RBBP4: variants seen among roughly 807,000 people sequenced by gnomAD.
The protein encoded by RBBP4 is histone-binding protein RBBP4.
In RBBP4, 3 loss-of-function variants were observed where a neutral mutation model predicts 57.2. The ratio of observed to expected loss-of-function variants is 0.05; its 90% CI spans 0.02 to 0.14. The LOEUF is 0.14. Ranked by LOEUF, RBBP4 falls within the 10% of genes least tolerant of loss-of-function variation. The pLI is 1.00. For missense variants in RBBP4, 107 were observed against 520.6 expected, an observed-to-expected ratio of 0.21 and a Z score of 7.73; for synonymous variants, 151 against 171.5, an observed-to-expected ratio of 0.88 and a Z score of 0.93.
At chr1:32,661,104 ATACTC>A (rs1184486289) in intron 3 of RBBP4, among the ~76,000 whole-genome samples, 3 of 152,150 alleles carry the variant, frequency 2.0e-5, no homozygotes, top group Admixed American at 2.0e-4. Context: ...ATGAGCCACT[ATACTC>A]AGCCAAAAAA....
chr1:32,651,606 AC>A (rs2148510345), intron 1 of RBBP4: 2 of 860,912 alleles, frequency 2.3e-6, no homozygotes, highest in Non-Finnish European at 3.3e-6. Flanking sequence ...GCGTGGGGAC[AC>A]CGCTTCCTAC....
rs372814539 is a variant in RBBP4 at position 32,669,468 on chromosome 1, T to G, written c.889-18T>G. On this transcript the variant is annotated intron_variant, in intron 7 of 11. Transcript: ENST00000373493. The surrounding 1 kb of genome is among the most constrained non-coding windows in gnomAD (Gnocchi z 4.9). The stretch of plus-strand genomic sequence containing the variant: ...TTCTTAAAAAATTGATTACTCTTGC[T>G]TTTCTTTTTGTACATAGACTGTTGC... 4.1e-5 allele frequency: 64 copies of G among 1,576,882 alleles called. No individual in the cohort carries two copies. The highest frequency in any genetic ancestry group is 5.5e-5 in the African/African-American group (4 of 72,526).
intron 3 of RBBP4, among the ~76,000 whole-genome samples, chr1:32,658,361 T>TTA (rs71654734): frequency 7.0e-6 from 1 of 142,036 alleles, no homozygotes; most frequent in East Asian, 2.0e-4. Context: ...GGAGCAATAG[T>TTA]AAAAAAAAAA....
chr1:32,655,464 C>T (rs1333244537), intron 2 of RBBP4, among the ~76,000 whole-genome samples: 2 of 152,202 alleles, frequency 1.3e-5, no homozygotes, highest in South Asian at 2.1e-4. Flanking sequence ...TCTTGTCTAA[C>T]CTTCTACATA....
At chr1:32,673,320 C>T (rs1340402482) in intron 11 of RBBP4, 1 of 326,888 alleles carries the variant, frequency 3.1e-6, no homozygotes, top group Non-Finnish European at 5.9e-6. Context: ...ATTTACATAC[C>T]CAAAGGAGGT....
At chr1:32,651,359 T>C in intron 1 of RBBP4, 37 bp downstream of exon 1, 5 of 1,420,840 alleles carry the variant, frequency 3.5e-6, no homozygotes, top group Non-Finnish European at 4.6e-6. Context: ...GGGCAGTGGG[T>C]GCCTGGGCTG....
intron 2 of RBBP4, chr1:32,652,441 C>T (rs1647832311): frequency 5.4e-6 from 1 of 185,540 alleles, no homozygotes; most frequent in Non-Finnish European, 1.1e-5. Context: ...TACTTGAGGC[C>T]AGGAGTTGGA....
chr1:32,684,093 T>G lies in RBBP4; in HGVS notation c.*4388T>G. On this transcript the variant is annotated 3_prime_UTR_variant, in exon 12 of 12. Coordinates refer to ENST00000373493, the MANE Select transcript of RBBP4 (RefSeq NM_005610.3). Reference sequence around the variant, plus strand: ...GCTCTTGGGTAGTAGCATAGCCCTTTAAAAAGAGAGAGCCATTTTCCATGT... The same window carrying G: ...GCTCTTGGGTAGTAGCATAGCCCTTGAAAAAGAGAGAGCCATTTTCCATGT... The G allele has an allele frequency of 6.2e-7, 1 of 1,609,448 alleles. No homozygotes were observed.
At chr1:32,660,282 T>C (rs1648342744) in intron 3 of RBBP4, among the ~76,000 whole-genome samples, 1 of 152,198 alleles carries the variant, frequency 6.6e-6, no homozygotes, top group Non-Finnish European at 1.5e-5. Flanking sequence ...AGCCTTGCTC[T>C]GTCACCCAGA....
intron 11 of RBBP4, among the ~76,000 whole-genome samples, chr1:32,673,844 A>G (rs1648980295): frequency 6.6e-6 from 1 of 152,106 alleles, no homozygotes; most frequent in Non-Finnish European, 1.5e-5. Context: ...CACGCCTGTA[A>G]TCCCAGTACT....
intron 2 of RBBP4, among the ~76,000 whole-genome samples, chr1:32,653,671 T>TA (rs1178550410): frequency 7.8e-6 from 1 of 128,008 alleles, no homozygotes; most frequent in Non-Finnish European, 1.6e-5. Context: ...TTTTTGTTTT[T>TA]TTTTTTGAGA....
chr1:32,654,661 G>A (rs1648053736), intron 2 of RBBP4, among the ~76,000 whole-genome samples: 1 of 152,180 alleles, frequency 6.6e-6, no homozygotes, highest in Non-Finnish European at 1.5e-5. Flanking sequence ...AGCAAATCTA[G>A]ATAAATAATG....
At chr1:32,668,543 C>T (rs959607048) in intron 4 of RBBP4, 145 bp downstream of exon 4, 2 of 1,021,028 alleles carry the variant, frequency 2.0e-6, no homozygotes, top group Admixed American at 2.9e-5. Context: ...TTCATTTTGC[C>T]TCCATGAAAA....
At position 32,684,565 on chromosome 1, in the gene RBBP4, A is replaced by G. The variant is rs1557868891; in HGVS notation, c.*4860A>G. The G allele has an allele frequency of 3.6e-6, 3 of 836,716 alleles. No homozygotes were observed. The highest frequency in any genetic ancestry group is 3.4e-5 in the African/African-American group (2 of 58,088). The allele number at this position is 836,716 out of a possible 1,614,324, so 51.8% of individuals were successfully genotyped here. A position where few individuals can be genotyped will look rare whatever the true frequency, so the allele number is the denominator to read the frequency against. ...GTTGTGTCTTGGAAAAAAAGTGACA[A>G]TGCTTTTGAAAATGATGACGAAAAA... On this transcript the variant is annotated 3_prime_UTR_variant, in exon 12 of 12. Transcript: ENST00000373493.
intron 3 of RBBP4, among the ~76,000 whole-genome samples, chr1:32,667,572 T>C (rs565022409): frequency 1.1e-4 from 16 of 152,330 alleles, no homozygotes; most frequent in African/African-American, 3.4e-4. Context: ...ATCTCTTTTG[T>C]CTTGTGTCTT....
At position 32,681,937 on chromosome 1, in the gene RBBP4, T is replaced by G; in HGVS notation, c.*2232T>G. The G allele has an allele frequency of 6.1e-6, 8 of 1,313,344 alleles. No individual in the cohort carries two copies. The highest frequency in any genetic ancestry group is 6.0e-5 in the South Asian group (5 of 83,512). 81.4% of individuals were successfully genotyped at this position (1,313,344 alleles called of 1,614,324 possible). A position where few individuals can be genotyped will look rare whatever the true frequency, so the allele number is the denominator to read the frequency against. ...ACTGCAGGCTTTGTTGAGAAGAGAT[T>G]GTTACAGTGTGATTTATGGATGATC... On this transcript the variant is annotated 3_prime_UTR_variant, in exon 12 of 12. Coordinates refer to ENST00000373493, the MANE Select transcript of RBBP4 (RefSeq NM_005610.3).
chr1:32,652,792 C>G (rs1461761783), intron 2 of RBBP4, among the ~76,000 whole-genome samples: 1 of 152,138 alleles, frequency 6.6e-6, no homozygotes, highest in South Asian at 2.1e-4. Context: ...GTGATCCGCC[C>G]GCCTCTGCCT....
rs1649689280 is a variant in RBBP4 at position 32,684,594 on chromosome 1, A to C, written c.*4889A>C. 1 of 625,616 alleles carries C rather than the reference A, an allele frequency of 1.6e-6. No homozygotes were observed. The highest frequency in any genetic ancestry group is 1.8e-5 in the African/African-American group (1 of 54,142). The allele number at this position is 625,616 out of a possible 1,614,324, so 38.8% of individuals were successfully genotyped here. A position where few individuals can be genotyped will look rare whatever the true frequency, so the allele number is the denominator to read the frequency against. ...TTTTGAAAATGATGACGAAAAAGGC[A>C]TCTTGTCTGTTAACCACAGCTTGCT... On this transcript the variant is annotated 3_prime_UTR_variant, in exon 12 of 12. Transcript: ENST00000373493.
rs11809190 is a variant in RBBP4 at position 32,681,578 on chromosome 1, A to G, written c.*1873A>G. The G allele has an allele frequency of 3.5e-6, 2 of 566,546 alleles. No homozygotes were observed. The highest frequency in any genetic ancestry group is 2.2e-5 in the South Asian group (1 of 45,468). The allele number at this position is 566,546 out of a possible 1,614,324, so 35.1% of individuals were successfully genotyped here. On this transcript the variant is annotated 3_prime_UTR_variant, in exon 12 of 12. Transcript: ENST00000373493. ...TATGTGAGGGTTGTTGCTGGAAGAC[A>G]GGAGGCTCATCTTTCCTTTCCTTGG... is the stretch of plus-strand genomic sequence containing the variant.
Sources: gnomAD v4.1 joint callset for allele counts (sites outside exome capture counted in the v4.1 genomes callset) on GRCh38, gnomAD v4.1.1 for gene constraint, Gnocchi (gnomAD v3.1) non-coding constraint, MANE v1.5 for transcripts, NCBI Gene and HGNC (gene_info 2026-07-23, HGNC 2026-07-21) for gene names.